IMMP2L: variants seen among roughly 807,000 people sequenced by gnomAD.
IMMP2L encodes the protein mitochondrial inner membrane protease subunit 2.
In IMMP2L, 18 loss-of-function variants were observed where a neutral mutation model predicts 19.3. The observed-to-expected ratio is 0.93, with a 90% confidence interval of 0.64 to 1.38. IMMP2L has a LOEUF of 1.38. Among genes scored for constraint, IMMP2L ranks in the 40% most tolerant of loss-of-function variants. IMMP2L has a pLI of 0.00. For synonymous variants in IMMP2L, 76 were observed against 73.0 expected (o/e 1.04, Z -0.21); for missense variants, 233 against 218.2 (o/e 1.07, Z -0.43).
intron 3 of IMMP2L, among the ~76,000 whole-genome samples, chr7:111,241,308 C>A (rs188592131): frequency 9.5e-4 from 144 of 151,930 alleles, no homozygotes; most frequent in Middle Eastern, 3.4e-3. Flanking sequence ...CAAAAAAGGT[C>A]ACTTTAAAAA....
At chr7:111,215,603 AAAAG>A (rs1225212136) in intron 3 of IMMP2L, among the ~76,000 whole-genome samples, 3 of 152,164 alleles carry the variant, frequency 2.0e-5, no homozygotes, top group African/African-American at 7.2e-5. Flanking sequence ...TTTCAATAAT[AAAAG>A]AAAGGTTAGA....
chr7:111,139,009 C>G (rs893921383), intron 3 of IMMP2L, among the ~76,000 whole-genome samples: 1 of 151,980 alleles, frequency 6.6e-6, no homozygotes, highest in African/African-American at 2.4e-5. Context: ...TTGACATGAT[C>G]TTTTAAATCA....
intron 5 of IMMP2L, among the ~76,000 whole-genome samples, chr7:110,800,739 A>T (rs1801180748): frequency 6.6e-6 from 1 of 152,068 alleles, no homozygotes; most frequent in Non-Finnish European, 1.5e-5. Context: ...TCTTGAAAAC[A>T]GTGACAGGTT....
chr7:111,281,206 GAAAGAAAGAAAAAGAAAGAAAGAAAGAAA>G (rs1819787475), intron 3 of IMMP2L, among the ~76,000 whole-genome samples: 1 of 40,350 alleles, frequency 2.5e-5, no homozygotes, highest in African/African-American at 8.5e-5. Context: ...AAGAAAGAAA[GAAAGAAAGAAAAAGAAAGAAAGAAAGAAA>G]GAAAGAAAGA....
At chr7:110,925,642 T>C (rs1814764348) in intron 4 of IMMP2L, among the ~76,000 whole-genome samples, 1 of 152,054 alleles carries the variant, frequency 6.6e-6, no homozygotes, top group South Asian at 2.1e-4. Flanking sequence ...AGTTGGTGAA[T>C]TTGGCTATTA....
intron 1 of IMMP2L, among the ~76,000 whole-genome samples, chr7:111,545,145 A>AT (rs927607481): frequency 2.0e-5 from 3 of 152,058 alleles, no homozygotes; most frequent in East Asian, 1.9e-4. Context: ...TTAAATATTA[A>AT]TTTTTTTTAA....
At chr7:110,732,753 G>A (rs1796350292) in intron 5 of IMMP2L, among the ~76,000 whole-genome samples, 1 of 151,772 alleles carries the variant, frequency 6.6e-6, no homozygotes, top group Non-Finnish European at 1.5e-5. Flanking sequence ...GGTAAAAGTT[G>A]ATGAATGGAA....
chr7:110,677,787 G>C (rs1263961796), intron 5 of IMMP2L, among the ~76,000 whole-genome samples: 1 of 152,052 alleles, frequency 6.6e-6, no homozygotes, highest in Non-Finnish European at 1.5e-5. Flanking sequence ...GAGAAGGGAG[G>C]CTCTGGAAAA....
chr7:111,030,192 T>C (rs1489693123), intron 3 of IMMP2L, among the ~76,000 whole-genome samples: 1 of 152,126 alleles, frequency 6.6e-6, no homozygotes, highest in Non-Finnish European at 1.5e-5. Flanking sequence ...ATCTAATCAC[T>C]AGCAGAAAAT....
At chr7:110,879,154 G>A (rs146109934) in intron 5 of IMMP2L, among the ~76,000 whole-genome samples, 227 of 152,198 alleles carry the variant, frequency 1.5e-3, no homozygotes, top group African/African-American at 5.2e-3. Context: ...ACCTTGAGAG[G>A]CTGAGGTGGA....
chr7:110,842,417 A>C (rs1229538427), intron 5 of IMMP2L, among the ~76,000 whole-genome samples: 1 of 152,172 alleles, frequency 6.6e-6, no homozygotes, highest in Non-Finnish European at 1.5e-5. Context: ...GCCACAGGAC[A>C]ACAGAGGCAG....
rs1310480524 is a variant in IMMP2L at position 110,924,046 on chromosome 7, G to T, written c.306-37351C>A. Reference sequence around the variant, plus strand: ...TTGTAGCTCAGTCTCAAGTTTACCTGAGTCTAATGTATGACAAAGGAATGA... The same window carrying T: ...TTGTAGCTCAGTCTCAAGTTTACCTTAGTCTAATGTATGACAAAGGAATGA... On this transcript the variant is annotated intron_variant, in intron 4 of 5. Coordinates refer to ENST00000405709, the MANE Select transcript of IMMP2L (RefSeq NM_032549.4). The surrounding 1 kb of genome is among the most constrained non-coding windows in gnomAD (Gnocchi z 4.2). 6.6e-6 allele frequency among the ~76,000 whole-genome samples: 1 copy of T among 152,106 alleles called. No homozygotes were observed. Among genetic ancestry groups the T allele is most frequent in the Non-Finnish European group, 1.5e-5 (1 of 68,008 alleles).
At chr7:110,906,882 C>A (rs1038800437) in intron 4 of IMMP2L, among the ~76,000 whole-genome samples, 2 of 152,122 alleles carry the variant, frequency 1.3e-5, no homozygotes, top group Non-Finnish European at 2.9e-5. Flanking sequence ...ATCGCCCTGA[C>A]CCCTTTGCGA....
At chr7:111,341,218 C>G (rs1826977464) in intron 3 of IMMP2L, among the ~76,000 whole-genome samples, 1 of 151,936 alleles carries the variant, frequency 6.6e-6, no homozygotes, top group African/African-American at 2.4e-5. Context: ...AACCTAACCT[C>G]TCAGTGATAA....
At chr7:110,729,476 C>T (rs576022686) in intron 5 of IMMP2L, among the ~76,000 whole-genome samples, 59 of 152,328 alleles carry the variant, frequency 3.9e-4, no homozygotes, top group African/African-American at 1.4e-3. Context: ...TCACCTCCCA[C>T]TGGGTCCCTC....
chr7:111,398,400 G>C (rs1177796205), intron 3 of IMMP2L, among the ~76,000 whole-genome samples: 1 of 152,010 alleles, frequency 6.6e-6, no homozygotes, highest in Non-Finnish European at 1.5e-5. Flanking sequence ...CAGTAGGTAA[G>C]AAGTATTCGA....
At chr7:111,500,558 G>A (rs1298635760) in intron 2 of IMMP2L, among the ~76,000 whole-genome samples, 1 of 152,212 alleles carries the variant, frequency 6.6e-6, no homozygotes, top group South Asian at 2.1e-4. Flanking sequence ...GCATCCGCCA[G>A]TACGGGCAGA....
At chr7:111,179,962 G>C (rs1344708413) in intron 3 of IMMP2L, among the ~76,000 whole-genome samples, 2 of 151,708 alleles carry the variant, frequency 1.3e-5, no homozygotes, top group African/African-American at 4.9e-5. Context: ...CACCTCTTTC[G>C]GGCTTCACAG....
At chr7:111,342,097 T>C (rs931306293) in intron 3 of IMMP2L, among the ~76,000 whole-genome samples, 1 of 152,118 alleles carries the variant, frequency 6.6e-6, no homozygotes, top group African/African-American at 2.4e-5. Flanking sequence ...GAACTTTAAG[T>C]AACCAAAATA....
Sources: allele counts gnomAD v4.1 joint callset (sites outside exome capture counted in the v4.1 genomes callset), GRCh38; gene constraint gnomAD v4.1.1; non-coding constraint Gnocchi (gnomAD v3.1); transcripts MANE v1.5; gene names NCBI Gene and HGNC (gene_info 2026-07-23, HGNC 2026-07-21).